Variants in LHFPL3 observed in about 807,000 individuals in gnomAD.
The protein encoded by LHFPL3 is LHFPL tetraspan subfamily member 3 protein.
Under a neutral mutation model 19.3 loss-of-function variants are expected in LHFPL3, and 5 were observed. The observed-to-expected ratio is 0.26, with a 90% CI of 0.14 to 0.54. The LOEUF (loss-of-function observed/expected upper bound fraction) is 0.54. LHFPL3 is among the 20% of genes least tolerant of loss of function. The probability of loss-of-function intolerance (pLI) is 0.94; values close to 1 mark genes in which losing one functional copy is unlikely to be tolerated. For missense variants in LHFPL3, 249 were observed against 307.4 expected (o/e 0.81, Z 1.42); for synonymous variants, 133 against 126.2 (o/e 1.05, Z -0.36).
intron 1 of LHFPL3, among the ~76,000 whole-genome samples, chr7:104,574,419 G>A (rs1008927758): frequency 6.6e-6 from 1 of 152,186 alleles, no homozygotes; most frequent in Non-Finnish European, 1.5e-5. Flanking sequence ...GTAGAATAGA[G>A]GGGCTTATTC....
At chr7:104,391,035 GT>G (rs994434389) in intron 1 of LHFPL3, among the ~76,000 whole-genome samples, 1 of 152,016 alleles carries the variant, frequency 6.6e-6, no homozygotes, top group African/African-American at 2.4e-5. Flanking sequence ...GGGGTTGTTT[GT>G]TTTTTTCTTG....
intron 1 of LHFPL3, among the ~76,000 whole-genome samples, chr7:104,459,604 C>T (rs1370260387): frequency 6.6e-6 from 1 of 152,212 alleles, no homozygotes; most frequent in Non-Finnish European, 1.5e-5. Flanking sequence ...CATGTTGTTC[C>T]TAGCTGTGTA....
chr7:104,403,160 A>G (rs145359060), intron 1 of LHFPL3, among the ~76,000 whole-genome samples: 48 of 152,364 alleles, frequency 3.2e-4, no homozygotes, highest in African/African-American at 1.1e-3. Context: ...AAACCTGCAC[A>G]TTCACACATG....
At chr7:104,566,608 C>A (rs968902273) in intron 1 of LHFPL3, among the ~76,000 whole-genome samples, 1 of 152,052 alleles carries the variant, frequency 6.6e-6, no homozygotes, top group African/African-American at 2.4e-5. Flanking sequence ...TGAGTCTGAC[C>A]CTTGTCCTGA....
At chr7:104,603,787 T>C (rs1791032988) in intron 1 of LHFPL3, among the ~76,000 whole-genome samples, 1 of 152,234 alleles carries the variant, frequency 6.6e-6, no homozygotes, top group African/African-American at 2.4e-5. Context: ...AGTCTTAAGC[T>C]GAAGAACAAC....
chr7:104,540,443 A>AG (rs2115873001), intron 1 of LHFPL3, among the ~76,000 whole-genome samples: 1 of 152,290 alleles, frequency 6.6e-6, no homozygotes, highest in African/African-American at 2.4e-5. Flanking sequence ...GGTACAGGCC[A>AG]TCCTATAATG....
At chr7:104,677,200 A>C (rs1792607776) in intron 1 of LHFPL3, among the ~76,000 whole-genome samples, 1 of 152,136 alleles carries the variant, frequency 6.6e-6, no homozygotes, top group African/African-American at 2.4e-5. Flanking sequence ...ACACAGTGAG[A>C]TCTACATCTC....
At chr7:104,678,429 C>T (rs1415339592) in intron 1 of LHFPL3, among the ~76,000 whole-genome samples, 1 of 152,134 alleles carries the variant, frequency 6.6e-6, no homozygotes, top group Non-Finnish European at 1.5e-5. Flanking sequence ...CCCAAGGTGA[C>T]CACTTAAAAG....
At chr7:104,775,648 G>T (rs1053453199) in intron 2 of LHFPL3, among the ~76,000 whole-genome samples, 7 of 152,088 alleles carry the variant, frequency 4.6e-5, no homozygotes, top group African/African-American at 1.7e-4. Context: ...TGAAGAAAAT[G>T]ATTTAAAACC....
At chr7:104,819,948 T>C (rs1191647609) in intron 2 of LHFPL3, among the ~76,000 whole-genome samples, 1 of 152,174 alleles carries the variant, frequency 6.6e-6, no homozygotes, top group Non-Finnish European at 1.5e-5. Flanking sequence ...CAAAGCAATA[T>C]ACAAAACGAG....
chr7:104,725,398 A>C (rs144526701), intron 1 of LHFPL3, among the ~76,000 whole-genome samples: 1 of 152,364 alleles, frequency 6.6e-6, no homozygotes, highest in African/African-American at 2.4e-5. Context: ...ACTGTAATGT[A>C]AGTTATTCTT....
intron 2 of LHFPL3, among the ~76,000 whole-genome samples, chr7:104,850,680 A>T (rs1250891725): frequency 1.3e-5 from 2 of 152,204 alleles, no homozygotes; most frequent in Admixed American, 6.5e-5. Context: ...CCAGAAACTT[A>T]TTAGAAACGC....
At chr7:104,671,568 G>GT (rs1792482839) in intron 1 of LHFPL3, among the ~76,000 whole-genome samples, 1 of 67,866 alleles carries the variant, frequency 1.5e-5, no homozygotes, top group African/African-American at 5.0e-5. Context: ...GATCTTTAAA[G>GT]TTCAAAAAAA....
chr7:104,337,921 T>C (rs935966260), intron 1 of LHFPL3, among the ~76,000 whole-genome samples: 19 of 152,118 alleles, frequency 1.2e-4, no homozygotes, highest in African/African-American at 2.2e-4. Context: ...AAAACCTTCA[T>C]AGAGAAAGGA....
At chr7:104,815,803 T>C (rs1409756451) in intron 2 of LHFPL3, among the ~76,000 whole-genome samples, 1 of 152,116 alleles carries the variant, frequency 6.6e-6, no homozygotes, top group African/African-American at 2.4e-5. Context: ...GCTGCACACA[T>C]GGCTTATTGG....
intron 2 of LHFPL3, among the ~76,000 whole-genome samples, chr7:104,779,261 T>G (rs1386821870): frequency 1.3e-5 from 2 of 152,224 alleles, no homozygotes; most frequent in Non-Finnish European, 2.9e-5. Flanking sequence ...GTCAGCAGTG[T>G]GTGATGCACA....
intron 1 of LHFPL3, among the ~76,000 whole-genome samples, chr7:104,584,483 A>G (rs1382067239): frequency 1.3e-5 from 2 of 152,158 alleles, no homozygotes; most frequent in African/African-American, 4.8e-5. Flanking sequence ...TTAAAAAAAG[A>G]AAATAGAGAT....
chr7:104,719,199 C>A (rs550899814), intron 1 of LHFPL3, among the ~76,000 whole-genome samples: 1 of 152,114 alleles, frequency 6.6e-6, no homozygotes, highest in African/African-American at 2.4e-5. Flanking sequence ...TGATTCATAT[C>A]TTTATTTATA....
intron 1 of LHFPL3, among the ~76,000 whole-genome samples, chr7:104,721,929 A>C (rs1222449521): frequency 6.6e-6 from 1 of 152,198 alleles, no homozygotes; most frequent in Non-Finnish European, 1.5e-5. Flanking sequence ...TACCATTAGC[A>C]GGATTTCAAT....
Sources: gnomAD v4.1 joint callset for allele counts (sites outside exome capture counted in the v4.1 genomes callset) on GRCh38, gnomAD v4.1.1 for gene constraint, MANE v1.5 for transcripts, NCBI Gene and HGNC (gene_info 2026-07-23, HGNC 2026-07-21) for gene names.